Variants in SLC4A10 observed in about 807,000 individuals in gnomAD.
SLC4A10 encodes the protein solute carrier family 4 member 10, also known as sodium-driven chloride bicarbonate exchanger.
Under a neutral mutation model 137.7 loss-of-function variants are expected in SLC4A10, and 42 were observed. The ratio of observed to expected loss-of-function variants is 0.30; its 90% CI spans 0.24 to 0.39. SLC4A10 has a LOEUF of 0.39. Ranked by LOEUF, SLC4A10 falls within the 10% of genes least tolerant of loss-of-function variation. The pLI is 1.00. For missense variants in SLC4A10, 925 were observed against 1,355.0 expected, an observed-to-expected ratio of 0.68 and a Z score of 4.98; for synonymous variants, 474 against 464.1, an observed-to-expected ratio of 1.02 and a Z score of -0.27.
chr2:161,748,436 TTGTG>T (rs144251917), intron 1 of SLC4A10, among the ~76,000 whole-genome samples: 380 of 142,456 alleles, frequency 2.7e-3, no homozygotes, highest in Middle Eastern at 0.011. Context: ...CATTTTGAGT[TTGTG>T]TGTGTGTGTG....
At chr2:161,720,575 A>G (rs2045540221) in intron 1 of SLC4A10, among the ~76,000 whole-genome samples, 1 of 152,182 alleles carries the variant, frequency 6.6e-6, no homozygotes, top group African/African-American at 2.4e-5. Context: ...TATTGGGAGC[A>G]TATATAATTA....
intron 7 of SLC4A10, 119 bp from the exon 8 acceptor site, chr2:161,873,797 C>G: frequency 2.0e-6 from 2 of 976,388 alleles, no homozygotes; most frequent in Non-Finnish European, 3.0e-6. Context: ...GTTTCAGAAT[C>G]CCTCTGACAA....
At chr2:161,636,219 T>C (rs2034362334) in intron 1 of SLC4A10, among the ~76,000 whole-genome samples, 1 of 152,168 alleles carries the variant, frequency 6.6e-6, no homozygotes, top group Non-Finnish European at 1.5e-5. Context: ...TGAAGACCTC[T>C]TGTATAAGTG....
chr2:161,767,943 A>C (rs1198428245), intron 1 of SLC4A10, among the ~76,000 whole-genome samples: 1 of 151,974 alleles, frequency 6.6e-6, no homozygotes, highest in East Asian at 1.9e-4. Flanking sequence ...CCTCAGAAAA[A>C]AGGTGTCCCT....
intron 4 of SLC4A10, among the ~76,000 whole-genome samples, chr2:161,845,833 A>G (rs1231983638): frequency 6.6e-6 from 1 of 152,148 alleles, no homozygotes; most frequent in African/African-American, 2.4e-5. Context: ...TTAATTTAAA[A>G]TAGTTTATAG....
At chr2:161,739,082 C>T (rs1047529615) in intron 1 of SLC4A10, among the ~76,000 whole-genome samples, 1 of 152,094 alleles carries the variant, frequency 6.6e-6, no homozygotes, top group Non-Finnish European at 1.5e-5. Flanking sequence ...GTAGTTGATC[C>T]TTGGCCCTAG....
chr2:161,904,041 G>A lies in SLC4A10; in HGVS notation c.1480G>A (p.Ala494Thr), dbSNP rs755321628. 1.3e-6 allele frequency: 2 copies of A among 1,593,050 alleles called. No homozygotes were observed. The highest frequency in any genetic ancestry group is 2.2e-5 in the East Asian group (1 of 44,518). The change falls in exon 13 of 27, where the codon GCT (alanine) becomes ACT (threonine). Residue 494 changes from alanine to threonine, a missense_variant. This residue lies in a region of SLC4A10 where 61 missense variants were observed against 59.0 expected (regional missense o/e 1.03). Coordinates refer to ENST00000446997, the MANE Select transcript of SLC4A10 (RefSeq NM_001178015.2). ...GGLILDIKRK[A>T]PYFWSDFRDA... ...ACTTATTTTAGATATCAAAAGAAAA[G>A]CTCCATACTTCTGGAGTGACTTCAG...
At chr2:161,649,693 T>C (rs1574095902) in intron 1 of SLC4A10, among the ~76,000 whole-genome samples, 3 of 152,154 alleles carry the variant, frequency 2.0e-5, no homozygotes, top group Admixed American at 2.0e-4. Flanking sequence ...ATCAATCTTT[T>C]CATTTGTCAG....
chr2:161,881,515 A>G (rs1276326939), intron 9 of SLC4A10, among the ~76,000 whole-genome samples: 1 of 152,096 alleles, frequency 6.6e-6, no homozygotes, highest in African/African-American at 2.4e-5. Context: ...GTAGAATTAT[A>G]GTAACTATTT....
intron 1 of SLC4A10, among the ~76,000 whole-genome samples, chr2:161,729,134 A>C (rs1480799966): frequency 6.6e-6 from 1 of 152,226 alleles, no homozygotes; most frequent in Non-Finnish European, 1.5e-5. Flanking sequence ...AAGATGAGGA[A>C]TAAGGCAAAG....
At chr2:161,857,518 C>T (rs1288272667) in intron 5 of SLC4A10, among the ~76,000 whole-genome samples, 2 of 152,168 alleles carry the variant, frequency 1.3e-5, no homozygotes, top group African/African-American at 4.8e-5. Flanking sequence ...ACTGTCATTA[C>T]TAAGAAGAGA....
rs181414949 is a variant in SLC4A10, at chr2:161,953,296, A to G, written c.2541+2448A>G. 9.2e-5 allele frequency among the ~76,000 whole-genome samples: 14 copies of G among 152,202 alleles called. No individual in the cohort carries two copies. The East Asian group carries it at 2.7e-3, about 29-fold the overall frequency. On this transcript the variant is annotated intron_variant, in intron 19 of 26. Coordinates refer to ENST00000446997, the MANE Select transcript of SLC4A10 (RefSeq NM_001178015.2). The stretch of plus-strand genomic sequence containing the variant: ...CTAGTAGCTGGTTTTCTTTTAGATG[A>G]TATTTCTCCTGCTGATAAAAATGTT...
intron 1 of SLC4A10, among the ~76,000 whole-genome samples, chr2:161,628,702 A>T (rs763797904): frequency 6.6e-6 from 1 of 152,050 alleles, no homozygotes; most frequent in Non-Finnish European, 1.5e-5. Flanking sequence ...ATAAGAAATT[A>T]ATCCCCGTTT....
chr2:161,714,830 G>A (rs1338552767), intron 1 of SLC4A10, among the ~76,000 whole-genome samples: 1 of 151,922 alleles, frequency 6.6e-6, no homozygotes, highest in Non-Finnish European at 1.5e-5. Context: ...AATCTCTAGA[G>A]TTGTAATGAA....
At chr2:161,812,963 G>A (rs980575591) in intron 3 of SLC4A10, among the ~76,000 whole-genome samples, 1 of 151,908 alleles carries the variant, frequency 6.6e-6, no homozygotes, top group African/African-American at 2.4e-5. Context: ...TTTTGGTTTT[G>A]CTGTTGCATT....
chr2:161,833,615 G>A (rs745498890), intron 3 of SLC4A10, among the ~76,000 whole-genome samples: 2 of 152,172 alleles, frequency 1.3e-5, no homozygotes, highest in East Asian at 1.9e-4. Flanking sequence ...TCTAGTCTGA[G>A]GATGTTGTTG....
At chr2:161,799,598 G>T (rs2055162661) in intron 2 of SLC4A10, among the ~76,000 whole-genome samples, 1 of 151,916 alleles carries the variant, frequency 6.6e-6, no homozygotes, top group African/African-American at 2.4e-5. Flanking sequence ...CACTGGCATT[G>T]TGAAGGGAAA....
At chr2:161,821,231 T>C (rs1295903342) in intron 3 of SLC4A10, among the ~76,000 whole-genome samples, 1 of 152,216 alleles carries the variant, frequency 6.6e-6, no homozygotes, top group Non-Finnish European at 1.5e-5. Flanking sequence ...ACTCTCATAA[T>C]GGTATTTTTT....
intron 1 of SLC4A10, among the ~76,000 whole-genome samples, chr2:161,673,112 A>T (rs1345045627): frequency 6.6e-6 from 1 of 152,230 alleles, no homozygotes; most frequent in East Asian, 1.9e-4. Context: ...CTAAATGCCC[A>T]GCTAACACTC....
Sources: allele counts gnomAD v4.1 joint callset (sites outside exome capture counted in the v4.1 genomes callset), GRCh38; gene constraint gnomAD v4.1.1; regional missense constraint gnomAD v4.1.1; transcripts MANE v1.5; gene names NCBI Gene and HGNC (gene_info 2026-07-23, HGNC 2026-07-21).